The following SLC9A6 variants were observed in gnomAD, a reference collection of about 807,000 sequenced individuals.
The protein encoded by SLC9A6 is sodium/hydrogen exchanger 6.
Under a neutral mutation model 45.3 loss-of-function variants are expected in SLC9A6, and 6 were observed. The observed-to-expected ratio is 0.13, with a 90% CI of 0.07 to 0.26. SLC9A6 has a LOEUF of 0.26. SLC9A6 is among the 10% of genes least tolerant of loss of function. The pLI, the probability that SLC9A6 is intolerant of heterozygous loss-of-function variation, is 1.00. For missense variants in SLC9A6, 278 were observed against 503.7 expected, an observed-to-expected ratio of 0.55 and a Z score of 4.29; for synonymous variants, 191 against 187.7, an observed-to-expected ratio of 1.02 and a Z score of -0.14.
intron 7 of SLC9A6, 93 bp from the exon 8 acceptor site, chrX:136,010,349 C>T (rs1275072277): frequency 1.0e-6 from 1 of 984,144 alleles, no homozygotes; most frequent in Non-Finnish European, 1.4e-6. Flanking sequence ...TTTTTCTTCT[C>T]CCTCTAATTT....
chrX:136,006,332 A>G (rs905060370), intron 7 of SLC9A6, among the ~76,000 whole-genome samples: 5 of 109,304 alleles, frequency 4.6e-5, no homozygotes, highest in Non-Finnish European at 9.5e-5. Flanking sequence ...TTTTAAGTTC[A>G]AGGGTACATG....
At chrX:136,022,563 C>T (rs1556620019) in intron 11 of SLC9A6, 23 bp from the exon 12 acceptor site, 1 of 968,948 alleles carries the variant, frequency 1.0e-6, no homozygotes. Context: ...ATGAAATGAT[C>T]CTTAACCTAT....
chrX:136,013,537 G>A, intron 10 of SLC9A6, 100 bp downstream of exon 10: 1 of 583,798 alleles, frequency 1.7e-6, no homozygotes, highest in Admixed American at 3.1e-5. Flanking sequence ...ATCTGTTCAA[G>A]ATGCTATCTA....
intron 3 of SLC9A6, among the ~76,000 whole-genome samples, chrX:135,996,323 T>G (rs782781982): frequency 2.0e-4 from 22 of 111,230 alleles, no homozygotes; most frequent in Non-Finnish European, 4.0e-4. Flanking sequence ...GGACTTGATT[T>G]TTATAGCTAC....
chrX:136,018,787 GT>G (rs782791032), intron 11 of SLC9A6, among the ~76,000 whole-genome samples: 66 of 102,499 alleles, frequency 6.4e-4, no homozygotes, highest in Admixed American at 1.6e-3. Context: ...ATTAGTGGAA[GT>G]TTTTTTTTTT....
In SLC9A6 at chrX:135,998,856, G is replaced by A. The variant is rs143859232; in HGVS notation, c.525G>A (p.Gly175=). Residue 175 remains glycine (G), a splice_region_variant and synonymous_variant, in exon 6 of 18, where the codon GGG becomes GGA. Coordinates refer to ENST00000630721, the MANE Select transcript of SLC9A6 (RefSeq NM_001379110.1). ...AAGTAGGACTGTGTTTATTGAACAG[G>A]TCAATAATGTATGGCTGTGTAACGC... The part of the protein sequence containing the change: ...LGTAISCFVI[G]SIMYGCVTLM... 12 of 1,166,102 alleles carry A rather than the reference G, an allele frequency of 1.0e-5. No individual in the cohort carries two copies. The highest frequency in any genetic ancestry group is 1.3e-5 in the Non-Finnish European group (11 of 855,437).
intron 9 of SLC9A6, 56 bp from the exon 10 acceptor site, chrX:136,013,293 G>A (rs914441120): frequency 2.5e-5 from 23 of 921,836 alleles, no homozygotes; most frequent in Non-Finnish European, 3.6e-5. Context: ...AAGAACCTCA[G>A]TATAAAAGGT....
chrX:136,038,966 G>A (rs12007278), intron 16 of SLC9A6, among the ~76,000 whole-genome samples: 8,222 of 110,435 alleles, frequency 0.074, 339 homozygotes, highest in African/African-American at 0.16. Context: ...GTGTTTATAT[G>A]CAGTGTTTTA....
At chrX:136,041,515 A>T (rs2071510667) in intron 17 of SLC9A6, among the ~76,000 whole-genome samples, 1 of 111,055 alleles carries the variant, frequency 9.0e-6, no homozygotes, top group Admixed American at 9.6e-5. Context: ...TCTCCCTTCC[A>T]CATTGCCCAG....
chrX:135,985,355 T>C (rs1357921035), upstream of SLC9A6: 5 of 339,797 alleles, frequency 1.5e-5, no homozygotes, highest in Non-Finnish European at 1.9e-5. Flanking sequence ...AGAGCGAGCT[T>C]GGGATGCCGC....
At chrX:136,023,986 T>A (rs1278938672) in intron 12 of SLC9A6, among the ~76,000 whole-genome samples, 2 of 110,417 alleles carry the variant, frequency 1.8e-5, no homozygotes, top group Admixed American at 1.9e-4. Flanking sequence ...GCCTCCCTGG[T>A]TCAAGCAATT....
At chrX:136,022,743 CA>C (rs782394207) in intron 12 of SLC9A6, 46 bp downstream of exon 12, 18 of 779,553 alleles carry the variant, frequency 2.3e-5, no homozygotes, top group Non-Finnish European at 3.1e-5. Context: ...CAACCATTCA[CA>C]ATGCGTGTGC....
At chrX:136,006,157 T>G (rs1341505632) in intron 7 of SLC9A6, among the ~76,000 whole-genome samples, 3 of 111,821 alleles carry the variant, frequency 2.7e-5, no homozygotes, top group Non-Finnish European at 5.6e-5. Flanking sequence ...AGTTTGAGGA[T>G]TATCTACTGT....
chrX:136,008,292 A>G (rs1443628509), intron 7 of SLC9A6, among the ~76,000 whole-genome samples: 1 of 111,116 alleles, frequency 9.0e-6, no homozygotes, highest in Non-Finnish European at 1.9e-5. Context: ...CTGGAGTGCA[A>G]TGGCATGATG....
At chrX:135,997,663 A>C (rs1465851770) in intron 3 of SLC9A6, among the ~76,000 whole-genome samples, 2 of 96,912 alleles carry the variant, frequency 2.1e-5, no homozygotes, top group South Asian at 4.7e-4. Context: ...CCATCCGCCC[A>C]CCTCCGCCTC....
intron 7 of SLC9A6, among the ~76,000 whole-genome samples, chrX:136,009,940 A>G (rs2070887372): frequency 8.9e-6 from 1 of 112,066 alleles, no homozygotes; most frequent in African/African-American, 3.2e-5. Context: ...GGCCCATTCT[A>G]GAATTCTAAA....
intron 16 of SLC9A6, 105 bp from the exon 17 acceptor site, chrX:136,039,971 C>T: frequency 1.6e-6 from 1 of 617,628 alleles, no homozygotes; most frequent in East Asian, 3.6e-5. Flanking sequence ...AAGCCCTTTG[C>T]TGTCCTCCGA....
At chrX:135,988,671 T>G (rs1463394250) in intron 2 of SLC9A6, among the ~76,000 whole-genome samples, 3 of 109,806 alleles carry the variant, frequency 2.7e-5, no homozygotes, top group African/African-American at 6.6e-5. Flanking sequence ...GGGTCATAGC[T>G]CACTGCAGCC....
chrX:135,974,604 T>G, upstream of SLC9A6: 1 of 337,975 alleles, frequency 3.0e-6, no homozygotes. Flanking sequence ...TGGTTTTGGC[T>G]TTTTGTGAAA....
Sources: gnomAD v4.1 joint callset for allele counts (sites outside exome capture counted in the v4.1 genomes callset) on GRCh38, gnomAD v4.1.1 for gene constraint, MANE v1.5 for transcripts, NCBI Gene and HGNC (gene_info 2026-07-23, HGNC 2026-07-21) for gene names.